Variants in SPTA1 observed in about 807,000 individuals in gnomAD.
SPTA1 encodes the protein spectrin alpha chain, erythrocytic 1.
SPTA1 carries 177 observed loss-of-function variants against 324.7 expected under a neutral mutation model. That is an observed-to-expected ratio of 0.55 (90% CI 0.48 to 0.62). SPTA1 has a LOEUF of 0.62. Among genes scored for constraint, SPTA1 ranks in the 20% least tolerant of loss-of-function variants. The pLI is 0.00. For missense variants in SPTA1, 3,162 were observed against 2,883.6 expected, an observed-to-expected ratio of 1.10 and a Z score of -2.21; for synonymous variants, 1,195 against 1,041.3, an observed-to-expected ratio of 1.15 and a Z score of -2.84.
At chr1:158,654,325 A>G (rs1407432852) in intron 21 of SPTA1, among the ~76,000 whole-genome samples, 1 of 152,100 alleles carries the variant, frequency 6.6e-6, no homozygotes, top group Admixed American at 6.5e-5. Context: ...TAGCCCTTTA[A>G]ATATATTATA....
rs184247780 is a variant in SPTA1, at chr1:158,653,115, C to T, written c.3188+159G>A. ...GGGTTGCCTTTCCTCAAAAAGAAACCGAAACATTTAAAAGATTCTAGGTTT... is the reference window on the plus strand; with the variant it reads ...GGGTTGCCTTTCCTCAAAAAGAAACTGAAACATTTAAAAGATTCTAGGTTT... On this transcript the variant is annotated intron_variant, in intron 22 of 51. Transcript: ENST00000643759. 2.6e-3 allele frequency among the ~76,000 whole-genome samples: 389 copies of T among 152,188 alleles called. 5 individuals carry two copies. Among genetic ancestry groups the T allele is most frequent in the Middle Eastern group, 6.8e-3 (2 of 292 alleles).
In SPTA1 at chr1:158,634,695, C is replaced by CCCTTGTTAT. The variant is rs774427258; in HGVS notation, c.5433-21_5433-20insATAACAAGG. Reference sequence around the variant, plus strand: ...AGTCCTCTATAACAAGGTGGCAAGCCCCAGTGAGGATAAGAACAAACTGGT... The same window carrying CCCTTGTTAT: ...AGTCCTCTATAACAAGGTGGCAAGCCCCTTGTTATCCAGTGAGGATAAGAACAAACTGGT... On this transcript the variant is annotated intron_variant, in intron 38 of 51. Coordinates refer to ENST00000643759, the MANE Select transcript of SPTA1 (RefSeq NM_003126.4). 6.2e-6 allele frequency: 10 copies of CCCTTGTTAT among 1,613,802 alleles called. No individual in the cohort carries two copies. The Admixed American group carries it at 1.7e-4, about 27-fold the overall frequency.
rs367644017 is a variant in SPTA1, at chr1:158,634,664, A to G, written c.5444T>C (p.Leu1815Ser). 6 of 1,613,982 alleles carry G rather than the reference A, an allele frequency of 3.7e-6. No individual in the cohort carries two copies. In the African/African-American group the frequency reaches 8.0e-5, roughly 22 times the overall value. Reference sequence around the variant, plus strand: ...TTGCAAGTATTCTAGGGATTCTTCCAACTTAAGTCCTCTATAACAAGGTGG... The same window carrying G: ...TTGCAAGTATTCTAGGGATTCTTCCGACTTAAGTCCTCTATAACAAGGTGG... The part of the protein sequence containing the change: ...KELAKARGLK[L>S]EESLEYLQFM... The change falls in exon 39 of 52, where the codon TTG (leucine) becomes TCG (serine). Residue 1815 changes from leucine to serine, a missense_variant. Leu to Ser is a moderately radical substitution (Grantham distance 145). Coordinates refer to ENST00000643759, the MANE Select transcript of SPTA1 (RefSeq NM_003126.4).
intron 7 of SPTA1, among the ~76,000 whole-genome samples, chr1:158,677,456 A>G (rs1488512401): frequency 1.3e-5 from 2 of 152,224 alleles, no homozygotes; most frequent in African/African-American, 2.4e-5. Context: ...ACAAGAGAAT[A>G]TAAAACATAT....
At chr1:158,630,973 A>G (rs1288284987) in intron 39 of SPTA1, among the ~76,000 whole-genome samples, 1 of 152,120 alleles carries the variant, frequency 6.6e-6, no homozygotes, top group African/African-American at 2.4e-5. Context: ...AAGTCAAAAA[A>G]TAATAGATAT....
At chr1:158,631,849 T>A (rs934138228) in intron 39 of SPTA1, among the ~76,000 whole-genome samples, 1 of 152,176 alleles carries the variant, frequency 6.6e-6, no homozygotes, top group African/African-American at 2.4e-5. Flanking sequence ...TTAGTGGGAA[T>A]GCAAAATGGC....
chr1:158,679,875 A>G (rs703125), intron 5 of SPTA1, among the ~76,000 whole-genome samples: 75,842 of 151,984 alleles, frequency 0.5, 20,363 homozygotes, highest in Non-Finnish European at 0.6. Flanking sequence ...ATAGGAAAAC[A>G]TAGGTTATTT....
intron 40 of SPTA1, 38 bp from the exon 41 acceptor site, chr1:158,627,045 C>T (rs1650324946): frequency 6.2e-7 from 1 of 1,611,348 alleles, no homozygotes; most frequent in Non-Finnish European, 8.5e-7. Flanking sequence ...TTATAATGTG[C>T]AGGGCTGGAA....
Position 158,615,327 on chromosome 1 carries a change from G to A in SPTA1, c.6677C>T (p.Ala2226Val), listed in dbSNP as rs763346347. 2.5e-6 allele frequency: 4 copies of A among 1,614,086 alleles called. No homozygotes were observed. Among genetic ancestry groups the A allele is most frequent in the Non-Finnish European group, 3.4e-6 (4 of 1,180,018 alleles). Residue 2226 changes from alanine to valine, a missense_variant, in exon 48 of 52, where the codon GCT (alanine) becomes GTT (valine). Transcript: ENST00000643759. The part of the protein sequence containing the change: ...IVDLGDNLED[A>V]LILDIKYSTI... The stretch of plus-strand genomic sequence containing the variant: ...GCTGTATTTGATATCAAGGATCAGA[G>A]CGTCTTCCAAGTTGTCCCCCAGGTC...
intron 29 of SPTA1, 23 bp downstream of exon 29, chr1:158,645,165 A>C (rs1421858994): frequency 1.2e-6 from 2 of 1,613,484 alleles, no homozygotes; most frequent in Admixed American, 1.7e-5. Flanking sequence ...GAACCTGCTT[A>C]ACAATTGGGA....
intron 34 of SPTA1, 46 bp downstream of exon 34, chr1:158,639,824 G>A (rs374012425): frequency 8.2e-5 from 132 of 1,613,512 alleles, no homozygotes; most frequent in Non-Finnish European, 1.1e-4. Flanking sequence ...TGTCTGACAA[G>A]TATGTATTAA....
Position 158,671,279 on chromosome 1 carries a change from G to A in SPTA1, c.1599+64C>T, listed in dbSNP as rs903126454. The A allele has an allele frequency of 3.5e-6, 4 of 1,153,652 alleles. No individual in the cohort carries two copies. The African/African-American group carries it at 4.5e-5, about 13-fold the overall frequency. The allele number at this position is 1,153,652 out of a possible 1,614,324, so 71.5% of individuals were successfully genotyped here. ...ACAGGAGCAATGCTGTCTGGGGACA[G>A]GTATTGTGTAAAATTATGTATACAG... is the stretch of plus-strand genomic sequence containing the variant. On this transcript the variant is annotated intron_variant, in intron 12 of 51. Coordinates refer to ENST00000643759, the MANE Select transcript of SPTA1 (RefSeq NM_003126.4).
intron 41 of SPTA1, 43 bp downstream of exon 41, chr1:158,626,796 G>A (rs747739977): frequency 6.2e-7 from 1 of 1,611,726 alleles, no homozygotes; most frequent in Non-Finnish European, 8.5e-7. Flanking sequence ...GGATTTATTA[G>A]GGTTTCTCAA....
chr1:158,673,437 G>A (rs906780963), intron 10 of SPTA1, among the ~76,000 whole-genome samples: 7 of 152,150 alleles, frequency 4.6e-5, no homozygotes, highest in African/African-American at 1.7e-4. Flanking sequence ...CAGAGGTGAA[G>A]CCCTATGATG....
At chr1:158,655,437 C>T (rs924960660) in intron 20 of SPTA1, among the ~76,000 whole-genome samples, 3 of 152,134 alleles carry the variant, frequency 2.0e-5, no homozygotes, top group Admixed American at 6.5e-5. Context: ...ATGACCCACC[C>T]CTTCCTCAGG....
chr1:158,644,283 C>T lies in SPTA1; in HGVS notation c.4308G>A (p.Arg1436=). 3.1e-6 allele frequency: 5 copies of T among 1,613,652 alleles called. No individual in the cohort carries two copies. Among genetic ancestry groups the T allele is most frequent in the Non-Finnish European group, 4.2e-6 (5 of 1,179,850 alleles). ...LDSLEALMKK[R]DDLDKAITAQ... is the part of the protein sequence containing the mutation. ...CAGTGATTGCTTTGTCCAAATCGTC[C>T]CGTTTCTTCATCAAAGCCTCCAGAC... Residue 1436 remains arginine (R), a synonymous_variant, in exon 30 of 52, where the codon CGG becomes CGA. Transcript: ENST00000643759.
At position 158,672,992 on chromosome 1, in the gene SPTA1, C is replaced by T. The variant is rs144624698; in HGVS notation, c.1351-796G>A. On this transcript the variant is annotated intron_variant, in intron 10 of 51. Transcript: ENST00000643759. ...CAAAAATTAGCCGGATGTGGTGGTG[C>T]GCACCTCTAGTCCCAGCTATTCAGG... Among the ~76,000 whole-genome samples, 1,310 of 151,690 alleles carry T rather than the reference C, an allele frequency of 8.6e-3. 18 individuals are homozygous for T. Among genetic ancestry groups the T allele is most frequent in the African/African-American group, 0.029 (1,214 of 41,378 alleles).
chr1:158,644,875 T>A (rs1472148223), intron 29 of SPTA1, among the ~76,000 whole-genome samples: 6 of 152,184 alleles, frequency 3.9e-5, no homozygotes, highest in African/African-American at 1.2e-4. Context: ...TTTGTGGCAC[T>A]CCGAGCCTCC....
At chr1:158,661,161 A>G in intron 18 of SPTA1, 126 bp downstream of exon 18, 1 of 1,437,792 alleles carries the variant, frequency 7.0e-7, no homozygotes, top group Non-Finnish European at 9.7e-7. Flanking sequence ...AAATGCCAAA[A>G]GAGCATTAAG....
Sources: gnomAD v4.1 joint callset for allele counts (sites outside exome capture counted in the v4.1 genomes callset) on GRCh38, gnomAD v4.1.1 for gene constraint, MANE v1.5 for transcripts, NCBI Gene and HGNC (gene_info 2026-07-23, HGNC 2026-07-21) for gene names.